NFRKB: variants seen among roughly 807,000 people sequenced by gnomAD.
NFRKB encodes the protein nuclear factor related to kappa-B-binding protein.
NFRKB carries 62 observed loss-of-function variants against 135.7 expected under a neutral mutation model. The observed-to-expected ratio is 0.46, with a 90% CI of 0.37 to 0.56. The LOEUF (loss-of-function observed/expected upper bound fraction) is 0.56, where lower values mean the gene tolerates loss of function less well. NFRKB is among the 20% of genes least tolerant of loss of function. The pLI is 0.00. For synonymous variants in NFRKB, 678 were observed against 635.6 expected, an observed-to-expected ratio of 1.07 and a Z score of -1.00; for missense variants, 1,545 against 1,662.0, an observed-to-expected ratio of 0.93 and a Z score of 1.22.
intron 4 of NFRKB, among the ~76,000 whole-genome samples, chr11:129,887,136 G>A (rs1026497409): frequency 1.1e-4 from 16 of 152,198 alleles, no homozygotes; most frequent in African/African-American, 3.9e-4. Context: ...AAGAGGAAGA[G>A]GCTTCCTTGG....
At chr11:129,876,700 T>A (rs1241931256) in intron 17 of NFRKB, 21 bp downstream of exon 17, 7 of 1,606,886 alleles carry the variant, frequency 4.4e-6, no homozygotes, top group Non-Finnish European at 6.0e-6. Flanking sequence ...GGATCTCTGA[T>A]AATCGACACG....
At position 129,886,683 on chromosome 11, in the gene NFRKB, A is replaced by T. The variant is rs181485508; in HGVS notation, c.338-239T>A. On this transcript the variant is annotated intron_variant, in intron 4 of 26. Transcript: ENST00000682444. Reference sequence around the variant, plus strand: ...CAGTAATGCAACTGTCTTCAGCAGCACTAGAACTGACACATGGCATGGGTC... The same window carrying T: ...CAGTAATGCAACTGTCTTCAGCAGCTCTAGAACTGACACATGGCATGGGTC... Among the ~76,000 whole-genome samples, 4 of 152,354 alleles carry T rather than the reference A, an allele frequency of 2.6e-5. No individual in the cohort carries two copies. The East Asian group carries it at 7.7e-4, about 29-fold the overall frequency.
chr11:129,893,411 T>G, intron 2 of NFRKB: 3 of 133,486 alleles, frequency 2.2e-5, no homozygotes, highest in South Asian at 4.6e-5. Flanking sequence ...AAAAAAAAAA[T>G]CAGCCAGGCG....
At chr11:129,890,080 G>A (rs1217362277) in intron 3 of NFRKB, among the ~76,000 whole-genome samples, 1 of 150,130 alleles carries the variant, frequency 6.7e-6, no homozygotes, top group African/African-American at 2.5e-5. Flanking sequence ...CTAGATCAAG[G>A]ACAGGGAGGG....
intron 23 of NFRKB, 66 bp from the exon 24 acceptor site, chr11:129,870,327 G>A: frequency 2.0e-6 from 3 of 1,510,574 alleles, no homozygotes; most frequent in South Asian, 2.6e-5. Flanking sequence ...AATACAACTA[G>A]ACAAACTTCC....
At chr11:129,892,549 A>G (rs573871376) in intron 3 of NFRKB, among the ~76,000 whole-genome samples, 166 bp downstream of exon 3, 1 of 152,342 alleles carries the variant, frequency 6.6e-6, no homozygotes, top group East Asian at 1.9e-4. Context: ...CGGATATTAA[A>G]TAGACTCTAA....
rs1005217802 is a variant in NFRKB, at chr11:129,886,222, C to G, written c.465+95G>C. 5.6e-6 allele frequency: 8 copies of G among 1,417,046 alleles called. No homozygotes were observed. In the Admixed American group the frequency reaches 1.5e-4, roughly 27 times the overall value. 87.8% of individuals were successfully genotyped at this position (1,417,046 alleles called of 1,614,324 possible). A position where few individuals can be genotyped will look rare whatever the true frequency, so the allele number is the denominator to read the frequency against. On this transcript the variant is annotated intron_variant, in intron 5 of 26. Transcript: ENST00000682444. ...GATTAATTGGTAGCATTTTTTTCTT[C>G]GTGGCAATTTTTGTGTTTTGCACCT...
At chr11:129,867,851 C>T (rs958982057) in intron 24 of NFRKB, among the ~76,000 whole-genome samples, 7 of 152,128 alleles carry the variant, frequency 4.6e-5, no homozygotes, top group African/African-American at 1.7e-4. Context: ...CCACAGACAC[C>T]TGTGTGGGGA....
At chr11:129,875,103 G>A (rs1036749120) in intron 18 of NFRKB, among the ~76,000 whole-genome samples, 187 bp from the exon 19 acceptor site, 3 of 152,192 alleles carry the variant, frequency 2.0e-5, no homozygotes, top group African/African-American at 7.2e-5. Context: ...TAAGACTACT[G>A]AGGTATTGAT....
chr11:129,877,663 G>C (rs139152619), intron 15 of NFRKB, among the ~76,000 whole-genome samples: 1 of 152,120 alleles, frequency 6.6e-6, no homozygotes, highest in Non-Finnish European at 1.5e-5. Flanking sequence ...TTGCTGTTAA[G>C]TAGGTCCGTT....
At chr11:129,875,946 C>T (rs1393768120) in intron 17 of NFRKB, among the ~76,000 whole-genome samples, 2 of 152,090 alleles carry the variant, frequency 1.3e-5, no homozygotes, top group East Asian at 1.9e-4. Context: ...CATGAGCCAT[C>T]GCATCCAGCC....
At position 129,877,365 on chromosome 11, in the gene NFRKB, C is replaced by A; in HGVS notation, c.1532G>T (p.Arg511Leu). 3.1e-6 allele frequency: 5 copies of A among 1,614,142 alleles called. No individual in the cohort carries two copies. The highest frequency in any genetic ancestry group is 4.2e-6 in the Non-Finnish European group (5 of 1,180,030). ...CCGTTTCTCCTCCCCCGTGCTGGGA[C>A]GCACCACATAGTCAGTTCTTCTGGA... is the stretch of plus-strand genomic sequence containing the variant. ...VPRVRTDYVV[R>L]PSTGEEKRVF... The change falls in exon 16 of 27, where the codon CGT becomes CTT. Residue 511 changes from arginine (R) to leucine (L), a missense_variant. This residue lies in a region of NFRKB where 678 missense variants were observed against 646.7 expected (regional missense o/e 1.05). Coordinates refer to ENST00000682444, the MANE Select transcript of NFRKB (RefSeq NM_001143835.2).
chr11:129,874,646 T>C lies in NFRKB; in HGVS notation c.1979-66A>G. On this transcript the variant is annotated intron_variant, in intron 19 of 26. Transcript: ENST00000682444. This position sits in a 1 kb window ranked among gnomAD's most constrained non-coding sequence, Gnocchi z 4.5. ...TAGCAAACTAAAAAGAGGGGCTTTG[T>C]TAAAAACCAACACCTTGCCAGTGGA... 6.2e-7 allele frequency: 1 copy of C among 1,605,602 alleles called. No homozygotes were observed. The highest frequency in any genetic ancestry group is 8.5e-7 in the Non-Finnish European group (1 of 1,175,374).
In NFRKB at chr11:129,877,357, T is replaced by C; in HGVS notation, c.1540A>G (p.Thr514Ala). 1 of 1,614,182 alleles carries C rather than the reference T, an allele frequency of 6.2e-7. No homozygotes were observed. Among genetic ancestry groups the C allele is most frequent in the Non-Finnish European group, 8.5e-7 (1 of 1,180,030 alleles). Residue 514 changes from threonine (T) to alanine (A), a missense_variant, in exon 16 of 27, where the codon ACG becomes GCG. By Grantham distance (58) the Thr-to-Ala change is moderately conservative. Coordinates refer to ENST00000682444, the MANE Select transcript of NFRKB (RefSeq NM_001143835.2). ...VRTDYVVRPS[T>A]GEEKRVFQEQ... is the part of the protein sequence containing the mutation. ...TGAAAAACCCGTTTCTCCTCCCCCGTGCTGGGACGCACCACATAGTCAGTT... is the reference window on the plus strand; with the variant it reads ...TGAAAAACCCGTTTCTCCTCCCCCGCGCTGGGACGCACCACATAGTCAGTT...
In NFRKB at chr11:129,865,926, C is replaced by T. The variant is rs1319095922; in HGVS notation, c.3589G>A (p.Gly1197Ser). 1 of 1,613,808 alleles carries T rather than the reference C, an allele frequency of 6.2e-7. No homozygotes were observed. The highest frequency in any genetic ancestry group is 1.3e-5 in the African/African-American group (1 of 74,886). ...ATGGGGGCTGTGACCACGCTCTTGC[C>T]CTTCATTGGCTGGCTGATCACAGAG... ...PLSVISQPMK[G>S]KSVVTAPIIK... is the part of the protein sequence containing the mutation. Residue 1197 changes from glycine (G) to serine (S), a missense_variant, in exon 25 of 27, where the codon GGC becomes AGC. Physicochemically the swap from Gly to Ser is moderately conservative, Grantham distance 56. Coordinates refer to ENST00000682444, the MANE Select transcript of NFRKB (RefSeq NM_001143835.2).
chr11:129,885,375 G>A (rs754228878), intron 6 of NFRKB, 60 bp downstream of exon 6: 74 of 1,535,676 alleles, frequency 4.8e-5, no homozygotes, highest in East Asian at 9.1e-5. Flanking sequence ...GGCTCCAACC[G>A]GACAAGTGGC....
chr11:129,885,177 G>T (rs571683285), intron 6 of NFRKB, among the ~76,000 whole-genome samples: 1 of 152,062 alleles, frequency 6.6e-6, no homozygotes, highest in Admixed American at 6.5e-5. Flanking sequence ...GCAGGGAGTC[G>T]TCTGGCGGGC....
intron 9 of NFRKB, 51 bp downstream of exon 9, chr11:129,883,071 A>G: frequency 6.4e-7 from 1 of 1,557,318 alleles, no homozygotes. Context: ...GGGCTCACGC[A>G]ACTTAACACC....
chr11:129,881,439 T>G lies in NFRKB; in HGVS notation c.1384+4A>C, dbSNP rs1375585836. 11 of 1,613,924 alleles carry G rather than the reference T, an allele frequency of 6.8e-6. No homozygotes were observed. Among genetic ancestry groups the G allele is most frequent in the Admixed American group, 1.7e-5 (1 of 60,020 alleles). Reference sequence around the variant, plus strand: ...TGTTGGGGTAGGTAATACGGATCACTTACCAAGCAACTTCCACTGCTGGGT... The same window carrying G: ...TGTTGGGGTAGGTAATACGGATCACGTACCAAGCAACTTCCACTGCTGGGT... On this transcript the variant is annotated splice_donor_region_variant and intron_variant, in intron 13 of 26. Coordinates refer to ENST00000682444, the MANE Select transcript of NFRKB (RefSeq NM_001143835.2).
Sources: gnomAD v4.1 joint callset for allele counts (sites outside exome capture counted in the v4.1 genomes callset) on GRCh38, gnomAD v4.1.1 for gene constraint, gnomAD v4.1.1 regional missense constraint, Gnocchi (gnomAD v3.1) non-coding constraint, MANE v1.5 for transcripts, NCBI Gene and HGNC (gene_info 2026-07-23, HGNC 2026-07-21) for gene names.